S100A8: variants seen among roughly 807,000 people sequenced by gnomAD.
S100A8 encodes the protein S100 calcium binding protein A8, also known as protein S100-A8.
In S100A8, 1 loss-of-function variant was observed where a neutral mutation model predicts 4.2. The observed-to-expected ratio is 0.24, with a 90% CI of 0.08 to 1.12. The LOEUF (loss-of-function observed/expected upper bound fraction) is 1.12. S100A8 is among the 50% of genes most tolerant of loss of function. S100A8 has a pLI of 0.53. For synonymous variants in S100A8, 41 were observed against 44.7 expected, an observed-to-expected ratio of 0.92 and a Z score of 0.33; for missense variants, 96 against 111.8, an observed-to-expected ratio of 0.86 and a Z score of 0.64.
chr1:153,396,587 C>T, the S100A8 span: 1 of 152,578 alleles, frequency 6.6e-6, no homozygotes, highest in South Asian at 2.1e-4. Context: ...TGCCTGAGCT[C>T]CCTCTAGTAG....
chr1:153,417,928 TC>T, the S100A8 span: 1 of 1,002,420 alleles, frequency 1.0e-6, no homozygotes, highest in Non-Finnish European at 1.4e-6. Flanking sequence ...ACTTATCCCA[TC>T]ACATTTAAAA....
chr1:153,394,507 C>T (rs531363714), upstream of S100A8, among the ~76,000 whole-genome samples: 11 of 152,260 alleles, frequency 7.2e-5, no homozygotes, highest in South Asian at 2.3e-3. Flanking sequence ...CCCCAAACAC[C>T]TGCTGAGCGT....
the S100A8 span, among the ~76,000 whole-genome samples, chr1:153,401,990 T>C: frequency 3.9e-5 from 6 of 152,184 alleles, no homozygotes; most frequent in Non-Finnish European, 7.4e-5. Flanking sequence ...CTGAAATGTG[T>C]GTTAGATGGG....
chr1:153,420,140 A>C, the S100A8 span: 1 of 152,372 alleles, frequency 6.6e-6, no homozygotes, highest in African/African-American at 2.4e-5. Flanking sequence ...GGACTGACAC[A>C]GAGAGCTCAT....
At chr1:153,412,428 G>A in the S100A8 span, among the ~76,000 whole-genome samples, 9 of 152,328 alleles carry the variant, frequency 5.9e-5, no homozygotes, top group South Asian at 1.7e-3. Flanking sequence ...AAACTACAAT[G>A]AGATACCATC....
chr1:153,398,702 C>A, the S100A8 span, among the ~76,000 whole-genome samples: 1 of 152,218 alleles, frequency 6.6e-6, no homozygotes, highest in Non-Finnish European at 1.5e-5. Flanking sequence ...GCTCATGGAG[C>A]CAGCCAGGCA....
At chr1:153,414,285 TG>T in the S100A8 span, among the ~76,000 whole-genome samples, 2 of 152,264 alleles carry the variant, frequency 1.3e-5, no homozygotes, top group Non-Finnish European at 2.9e-5. Context: ...TTAACATTTC[TG>T]CTTTGTGAAA....
chr1:153,390,626 G>A (rs1662070180), intron 1 of S100A8, 69 bp from the exon 2 acceptor site: 8 of 1,568,128 alleles, frequency 5.1e-6, no homozygotes, highest in Non-Finnish European at 2.6e-6. Flanking sequence ...AGTACGCAGA[G>A]GATTCATGCC....
chr1:153,404,230 G>A, the S100A8 span, among the ~76,000 whole-genome samples: 1 of 152,028 alleles, frequency 6.6e-6, no homozygotes. Flanking sequence ...GAACCCCATC[G>A]TTTGGGGTTT....
chr1:153,421,628 C>A, the S100A8 span: 1 of 152,214 alleles, frequency 6.6e-6, no homozygotes, highest in East Asian at 1.9e-4. Context: ...AGTCTGGAAG[C>A]AGGCCAGAAA....
chr1:153,406,316 T>C, the S100A8 span, among the ~76,000 whole-genome samples: 4 of 152,264 alleles, frequency 2.6e-5, no homozygotes, highest in Middle Eastern at 3.4e-3. Flanking sequence ...GCCAGGGCTG[T>C]CACTGAGACA....
the S100A8 span, among the ~76,000 whole-genome samples, chr1:153,403,206 T>A: frequency 6.6e-6 from 1 of 152,100 alleles, no homozygotes; most frequent in African/African-American, 2.4e-5. Context: ...CTTCTAAGAG[T>A]TTTAGTTTTA....
At chr1:153,390,705 T>C (rs1461052957) in intron 1 of S100A8, 148 bp from the exon 2 acceptor site, 1 of 954,468 alleles carries the variant, frequency 1.0e-6, no homozygotes, top group African/African-American at 1.7e-5. Context: ...ATGGCTCTGG[T>C]GGGAAGGGTG....
upstream of S100A8, among the ~76,000 whole-genome samples, chr1:153,394,363 G>A (rs560432799): frequency 6.6e-6 from 1 of 152,130 alleles, no homozygotes; most frequent in Non-Finnish European, 1.5e-5. Flanking sequence ...TTCTCCCCTG[G>A]GCCTGCAAGA....
chr1:153,404,918 G>C, the S100A8 span, among the ~76,000 whole-genome samples: 121 of 152,142 alleles, frequency 8.0e-4, 1 homozygote, highest in Non-Finnish European at 1.2e-3. Context: ...GTGGGTGCTC[G>C]GTGGCGCCAC....
the S100A8 span, among the ~76,000 whole-genome samples, chr1:153,397,074 A>G: frequency 2.6e-5 from 4 of 152,244 alleles, no homozygotes; most frequent in Admixed American, 2.6e-4. Flanking sequence ...CTAGCATCCC[A>G]GACGACTTCG....
upstream of S100A8, among the ~76,000 whole-genome samples, chr1:153,394,663 G>A (rs1300831981): frequency 2.0e-5 from 3 of 152,284 alleles, no homozygotes; most frequent in East Asian, 5.8e-4. Context: ...GGTCCTGAAA[G>A]GCAAACTAAG....
chr1:153,419,207 G>A, the S100A8 span: 2 of 1,614,194 alleles, frequency 1.2e-6, no homozygotes, highest in South Asian at 1.1e-5. Flanking sequence ...ATGAGGATAA[G>A]AAGATTGATT....
chr1:153,406,394 C>T, the S100A8 span, among the ~76,000 whole-genome samples: 8 of 152,026 alleles, frequency 5.3e-5, no homozygotes, highest in Non-Finnish European at 1.2e-4. Flanking sequence ...ACTGAACTGC[C>T]TGGGGACCTG....
Sources: gnomAD v4.1 joint callset for allele counts (sites outside exome capture counted in the v4.1 genomes callset) on GRCh38, gnomAD v4.1.1 for gene constraint, MANE v1.5 for transcripts, NCBI Gene and HGNC (gene_info 2026-07-23, HGNC 2026-07-21) for gene names.